The following RALYL variants were observed in gnomAD, a reference collection of about 807,000 sequenced individuals.
RALYL encodes the protein RALY RNA binding protein like.
RALYL carries 29 observed loss-of-function variants against 35.1 expected under a neutral mutation model. The observed-to-expected ratio is 0.83, with a 90% CI of 0.61 to 1.13. The LOEUF (loss-of-function observed/expected upper bound fraction) is 1.13, where lower values mean the gene tolerates loss of function less well. RALYL is among the 50% of genes most tolerant of loss of function. The probability of loss-of-function intolerance (pLI) is 0.00; values close to 1 mark genes in which losing one functional copy is unlikely to be tolerated. For missense variants in RALYL, 359 were observed against 360.4 expected, an observed-to-expected ratio of 1.00 and a Z score of 0.03; for synonymous variants, 120 against 127.6, an observed-to-expected ratio of 0.94 and a Z score of 0.40.
At chr8:84,498,282 C>T (rs2056302956) in intron 1 of RALYL, among the ~76,000 whole-genome samples, 1 of 151,968 alleles carries the variant, frequency 6.6e-6, no homozygotes, top group South Asian at 2.1e-4. Context: ...TGTAGACTAT[C>T]ATTATCCTAG....
intron 1 of RALYL, among the ~76,000 whole-genome samples, chr8:84,418,047 A>G (rs2044938604): frequency 1.3e-5 from 2 of 152,280 alleles, no homozygotes; most frequent in South Asian, 4.1e-4. Flanking sequence ...TTCAATCTGT[A>G]ATGCATCACC....
At chr8:84,671,801 G>A (rs1262680057) in intron 2 of RALYL, among the ~76,000 whole-genome samples, 1 of 152,218 alleles carries the variant, frequency 6.6e-6, no homozygotes, top group African/African-American at 2.4e-5. Context: ...GGGAGGGGCT[G>A]CTGGAAGGTC....
At chr8:84,741,548 T>A (rs1401916874) in intron 2 of RALYL, among the ~76,000 whole-genome samples, 1 of 151,960 alleles carries the variant, frequency 6.6e-6, no homozygotes, top group African/African-American at 2.4e-5. Context: ...AGGGTAAAAG[T>A]GATTAGCTGG....
chr8:84,687,422 TATTATTTC>T (rs1837040113), intron 2 of RALYL, among the ~76,000 whole-genome samples: 1 of 152,072 alleles, frequency 6.6e-6, no homozygotes, highest in Non-Finnish European at 1.5e-5. Flanking sequence ...AAAACAACAT[TATTATTTC>T]ACTCAACTGA....
chr8:84,202,961 A>G (rs745503679), intron 1 of RALYL, among the ~76,000 whole-genome samples: 27 of 152,228 alleles, frequency 1.8e-4, no homozygotes, highest in Non-Finnish European at 2.2e-4. Context: ...CTTGAAACCC[A>G]TAACATAAAA....
intron 8 of RALYL, among the ~76,000 whole-genome samples, chr8:84,895,165 T>G (rs1587035746): frequency 6.6e-6 from 1 of 152,290 alleles, no homozygotes; most frequent in East Asian, 1.9e-4. Context: ...TCAAAGACCT[T>G]CGTCTTGAAC....
intron 3 of RALYL, among the ~76,000 whole-genome samples, chr8:84,777,959 T>G (rs1306218142): frequency 1.3e-5 from 2 of 152,108 alleles, no homozygotes; most frequent in Non-Finnish European, 1.5e-5. Context: ...TGTTTTCTTA[T>G]CTGTAAAATG....
chr8:84,824,797 G>C (rs1390941462), intron 4 of RALYL, among the ~76,000 whole-genome samples: 1 of 152,122 alleles, frequency 6.6e-6, no homozygotes, highest in African/African-American at 2.4e-5. Flanking sequence ...TGTTGGGATA[G>C]CTGGCTAACC....
intron 1 of RALYL, among the ~76,000 whole-genome samples, chr8:84,304,040 G>T (rs1268891055): frequency 6.6e-6 from 1 of 151,470 alleles, no homozygotes; most frequent in African/African-American, 2.4e-5. Flanking sequence ...AAAATAATGG[G>T]AACTTTCTCT....
At chr8:84,653,719 A>G (rs1395286510) in intron 2 of RALYL, among the ~76,000 whole-genome samples, 1 of 148,466 alleles carries the variant, frequency 6.7e-6, no homozygotes, top group Non-Finnish European at 1.5e-5. Flanking sequence ...CAGACCTTCT[A>G]ACATACCTCC....
At chr8:84,610,806 AGC>A in intron 2 of RALYL, among the ~76,000 whole-genome samples, 1 of 152,228 alleles carries the variant, frequency 6.6e-6, no homozygotes, top group South Asian at 2.1e-4. Flanking sequence ...AAATACTTCC[AGC>A]TTTGGCCACT....
intron 2 of RALYL, among the ~76,000 whole-genome samples, chr8:84,586,813 G>A (rs1310182969): frequency 6.6e-6 from 1 of 152,018 alleles, no homozygotes; most frequent in Non-Finnish European, 1.5e-5. Flanking sequence ...AAACTTATTG[G>A]AGAAGCATGT....
intron 1 of RALYL, among the ~76,000 whole-genome samples, chr8:84,407,338 A>C (rs370524782): frequency 2.0e-5 from 3 of 152,202 alleles, no homozygotes; most frequent in East Asian, 3.8e-4. Flanking sequence ...ATTTAAGAGA[A>C]TATGAAAGCA....
chr8:84,825,349 G>A (rs772100120), intron 4 of RALYL, among the ~76,000 whole-genome samples: 1 of 152,072 alleles, frequency 6.6e-6, no homozygotes, highest in Non-Finnish European at 1.5e-5. Context: ...AAAAACCACA[G>A]ATGTTGGCAG....
chr8:84,835,526 A>T (rs903892859), intron 4 of RALYL, among the ~76,000 whole-genome samples: 1 of 126,980 alleles, frequency 7.9e-6, no homozygotes, highest in Admixed American at 7.9e-5. Context: ...AAAAAAAAAA[A>T]TACAAAATTA....
intron 1 of RALYL, among the ~76,000 whole-genome samples, chr8:84,422,105 A>G (rs1192181880): frequency 6.7e-6 from 1 of 149,514 alleles, no homozygotes; most frequent in Non-Finnish European, 1.5e-5. Flanking sequence ...ATTGATTGGA[A>G]TAGTTTCAGA....
upstream of RALYL, chr8:84,183,187 C>A (rs1048599862): frequency 6.4e-6 from 1 of 155,394 alleles, no homozygotes; most frequent in Non-Finnish European, 1.4e-5. Context: ...CCGCTCGGCT[C>A]CCCCTCTCGC....
intron 1 of RALYL, among the ~76,000 whole-genome samples, chr8:84,186,659 G>A (rs1812601416): frequency 6.6e-6 from 1 of 152,152 alleles, no homozygotes; most frequent in South Asian, 2.1e-4. Flanking sequence ...TGGGACCAAA[G>A]ACGATTTTAA....
chr8:84,863,859 G>C (rs1346419309), intron 6 of RALYL, among the ~76,000 whole-genome samples: 1 of 152,158 alleles, frequency 6.6e-6, no homozygotes, highest in Non-Finnish European at 1.5e-5. Context: ...TCTGTAGATA[G>C]ATAAATATGA....
Sources: gnomAD v4.1 joint callset for allele counts (sites outside exome capture counted in the v4.1 genomes callset) on GRCh38, gnomAD v4.1.1 for gene constraint, MANE v1.5 for transcripts, NCBI Gene and HGNC (gene_info 2026-07-23, HGNC 2026-07-21) for gene names.